The following PLXDC2 variants were observed in gnomAD, a reference collection of about 807,000 sequenced individuals.
PLXDC2 encodes the protein plexin domain containing 2.
A neutral mutation model predicts 68.9 loss-of-function variants in PLXDC2; 40 were observed. The ratio of observed to expected loss-of-function variants is 0.58; its 90% CI spans 0.45 to 0.76. The LOEUF is 0.76. PLXDC2 is among the 30% of genes least tolerant of loss of function. The pLI is 0.00. For missense variants in PLXDC2, 644 were observed against 661.9 expected (o/e 0.97, Z 0.30); for synonymous variants, 243 against 234.2 (o/e 1.04, Z -0.34).
intron 1 of PLXDC2, among the ~76,000 whole-genome samples, chr10:19,929,433 G>A (rs978547493): frequency 6.6e-6 from 1 of 152,066 alleles, no homozygotes; most frequent in African/African-American, 2.4e-5. Flanking sequence ...CAACGTGAAA[G>A]GTTAAATAGA....
At chr10:20,222,233 C>A (rs935076182) in intron 12 of PLXDC2, among the ~76,000 whole-genome samples, 5 of 152,154 alleles carry the variant, frequency 3.3e-5, no homozygotes, top group African/African-American at 1.2e-4. Flanking sequence ...GTTTCTGGGT[C>A]GTTTCCATGG....
chr10:19,940,243 T>C (rs886939483), intron 1 of PLXDC2, among the ~76,000 whole-genome samples: 15 of 149,712 alleles, frequency 1.0e-4, no homozygotes, highest in African/African-American at 3.6e-4. Context: ...AACATAGTCA[T>C]GTGATTTGTA....
intron 13 of PLXDC2, among the ~76,000 whole-genome samples, chr10:20,278,340 G>A (rs559567671): frequency 2.0e-5 from 3 of 152,216 alleles, no homozygotes; most frequent in African/African-American, 7.2e-5. Flanking sequence ...ACTGCAACAT[G>A]TCATCTTTAC....
chr10:19,895,390 C>T (rs976512431), intron 1 of PLXDC2, among the ~76,000 whole-genome samples: 2 of 152,038 alleles, frequency 1.3e-5, no homozygotes, highest in Non-Finnish European at 2.9e-5. Flanking sequence ...GCTTCCTGTG[C>T]AATTCTAAAT....
At chr10:20,033,285 G>A (rs73603690) in intron 2 of PLXDC2, among the ~76,000 whole-genome samples, 15,379 of 152,124 alleles carry the variant, frequency 0.1, 1,744 homozygotes, top group African/African-American at 0.28. Context: ...GATTGAGGCA[G>A]TGGATTAAAG....
At position 19,877,488 on chromosome 10, in the gene PLXDC2, A is replaced by G. The variant is rs139447894; in HGVS notation, c.112+60297A>G. Among the ~76,000 whole-genome samples, 9 of 152,332 alleles carry G rather than the reference A, an allele frequency of 5.9e-5. No individual in the cohort carries two copies. The East Asian group carries it at 1.7e-3, about 29-fold the overall frequency. ...CCATGCATCTAGATATGACTATGTG[A>G]CTAAGTTTTTGCCCATTATGAGTAG... On this transcript the variant is annotated intron_variant, in intron 1 of 13. Coordinates refer to ENST00000377252, the MANE Select transcript of PLXDC2 (RefSeq NM_032812.9).
chr10:20,145,610 C>T (rs1174891386), intron 5 of PLXDC2, among the ~76,000 whole-genome samples: 2 of 152,160 alleles, frequency 1.3e-5, no homozygotes, highest in Non-Finnish European at 2.9e-5. Flanking sequence ...ACTGCACTGG[C>T]ATGATCTCTG....
chr10:20,130,566 C>G lies in PLXDC2; in HGVS notation c.542-12729C>G, dbSNP rs555577030. 3.2e-3 allele frequency among the ~76,000 whole-genome samples: 487 copies of G among 152,124 alleles called. 1 individual carries two copies. The highest frequency in any genetic ancestry group is 9.2e-3 in the African/African-American group (382 of 41,514). On this transcript the variant is annotated intron_variant, in intron 4 of 13. Transcript: ENST00000377252. Reference sequence around the variant, plus strand: ...AAGTGGCAAGAATGAGTATCCTTATCTTGTTACTAATCCCGAGAAGCTTTT... The same window carrying G: ...AAGTGGCAAGAATGAGTATCCTTATGTTGTTACTAATCCCGAGAAGCTTTT...
chr10:19,946,229 C>T (rs1028785222), intron 1 of PLXDC2, among the ~76,000 whole-genome samples: 3 of 151,986 alleles, frequency 2.0e-5, no homozygotes, highest in African/African-American at 4.8e-5. Flanking sequence ...GAGTAATCTT[C>T]GAAAATGTAG....
intron 3 of PLXDC2, among the ~76,000 whole-genome samples, chr10:20,062,190 CCGAGGTGGGCG>C (rs758038507): frequency 5.9e-5 from 9 of 152,182 alleles, no homozygotes; most frequent in Non-Finnish European, 1.2e-4. Flanking sequence ...CTTTGGGAGG[CCGAGGTGGGCG>C]GATCACGAGG....
chr10:20,197,465 C>G (rs1287760965), intron 9 of PLXDC2, among the ~76,000 whole-genome samples: 2 of 152,074 alleles, frequency 1.3e-5, no homozygotes, highest in Non-Finnish European at 2.9e-5. Flanking sequence ...TCAACTGATT[C>G]TCCTGCCTCA....
At chr10:20,220,022 T>A (rs773548899) in intron 12 of PLXDC2, among the ~76,000 whole-genome samples, 4 of 152,180 alleles carry the variant, frequency 2.6e-5, no homozygotes, top group Non-Finnish European at 4.4e-5. Flanking sequence ...ATTGTTTATA[T>A]CTATATTTGT....
At chr10:19,892,349 A>G (rs577140013) in intron 1 of PLXDC2, among the ~76,000 whole-genome samples, 1 of 152,290 alleles carries the variant, frequency 6.6e-6, no homozygotes, top group South Asian at 2.1e-4. Context: ...TAAGAAGTTG[A>G]CTTGGGATTC....
chr10:19,869,350 G>A (rs1054154553), intron 1 of PLXDC2, among the ~76,000 whole-genome samples: 2 of 151,712 alleles, frequency 1.3e-5, no homozygotes, highest in African/African-American at 4.8e-5. Flanking sequence ...CTGGAGCCTG[G>A]GAGGCAGAGG....
intron 6 of PLXDC2, among the ~76,000 whole-genome samples, chr10:20,161,341 AT>A (rs200303185): frequency 6.7e-6 from 1 of 149,052 alleles, no homozygotes; most frequent in African/African-American, 2.5e-5. Context: ...AAAAAAAAAA[AT>A]CCTTCATGTG....
intron 7 of PLXDC2, among the ~76,000 whole-genome samples, chr10:20,169,272 C>T (rs1235097844): frequency 6.6e-6 from 1 of 152,040 alleles, no homozygotes; most frequent in Non-Finnish European, 1.5e-5. Flanking sequence ...AGTTTACTAC[C>T]CATTGTTATA....
chr10:19,911,106 A>G (rs1833263829), intron 1 of PLXDC2, among the ~76,000 whole-genome samples: 1 of 151,988 alleles, frequency 6.6e-6, no homozygotes, highest in South Asian at 2.1e-4. Context: ...TGACTTGCTC[A>G]CCAGGAAATG....
intron 13 of PLXDC2, among the ~76,000 whole-genome samples, chr10:20,254,038 A>G (rs997220054): frequency 2.0e-4 from 31 of 152,162 alleles, no homozygotes; most frequent in Non-Finnish European, 1.5e-5. Flanking sequence ...TTTGGATCCT[A>G]TGGCACCCGG....
At chr10:20,008,656 C>T (rs915324600) in intron 2 of PLXDC2, among the ~76,000 whole-genome samples, 9 of 152,098 alleles carry the variant, frequency 5.9e-5, no homozygotes, top group African/African-American at 9.7e-5. Flanking sequence ...GTTATGTTTG[C>T]GGTATAGAGA....
Sources: gnomAD v4.1 joint callset for allele counts (sites outside exome capture counted in the v4.1 genomes callset) on GRCh38, gnomAD v4.1.1 for gene constraint, MANE v1.5 for transcripts, NCBI Gene and HGNC (gene_info 2026-07-23, HGNC 2026-07-21) for gene names.